VAV2: variants seen among roughly 807,000 people sequenced by gnomAD.
VAV2 encodes vav guanine nucleotide exchange factor 2, also known as guanine nucleotide exchange factor VAV2.
VAV2 carries 67 observed loss-of-function variants against 132.5 expected under a neutral mutation model. That is an observed-to-expected ratio of 0.51 (90% confidence interval 0.42 to 0.62). VAV2 has a LOEUF of 0.62. Ranked by LOEUF, VAV2 falls within the 20% of genes least tolerant of loss-of-function variation. The probability of loss-of-function intolerance (pLI) is 0.00; values close to 1 mark genes in which losing one functional copy is unlikely to be tolerated. For missense variants in VAV2, 938 were observed against 1,153.6 expected, an observed-to-expected ratio of 0.81 and a Z score of 2.71; for synonymous variants, 492 against 443.5, an observed-to-expected ratio of 1.11 and a Z score of -1.37.
intron 2 of VAV2, among the ~76,000 whole-genome samples, chr9:133,887,431 T>C (rs1015931096): frequency 6.6e-6 from 1 of 152,096 alleles, no homozygotes; most frequent in Non-Finnish European, 1.5e-5. Flanking sequence ...GGGCCTAAGA[T>C]CCTGCCCTAA....
intron 10 of VAV2, 103 bp from the exon 11 acceptor site, chr9:133,796,627 C>G: frequency 9.5e-7 from 1 of 1,052,100 alleles, no homozygotes; most frequent in Non-Finnish European, 1.4e-6. Context: ...GCCCAGAACT[C>G]AGGCCCAGAC....
intron 2 of VAV2, among the ~76,000 whole-genome samples, chr9:133,904,618 A>T (rs1839572058): frequency 1.3e-5 from 2 of 152,242 alleles, no homozygotes; most frequent in South Asian, 4.1e-4. Flanking sequence ...ACCCTCTCCC[A>T]GTGGAGTCGG....
chr9:133,928,140 C>T lies in VAV2; in HGVS notation c.321+10963G>A, dbSNP rs1156339983. On this transcript the variant is annotated intron_variant, in intron 2 of 29. Transcript: ENST00000371850. This position sits in a 1 kb window ranked among gnomAD's most constrained non-coding sequence, Gnocchi z 5.4. ...TCTCCCATCCCCAGTTATAAAACGG[C>T]GGGTCAGCATCCGATGGGCTTACCG... 2.0e-5 allele frequency among the ~76,000 whole-genome samples: 3 copies of T among 152,066 alleles called. No individual in the cohort carries two copies. Among genetic ancestry groups the T allele is most frequent in the African/African-American group, 4.8e-5 (2 of 41,488 alleles).
intron 2 of VAV2, among the ~76,000 whole-genome samples, chr9:133,881,350 G>A (rs960423666): frequency 1.3e-5 from 2 of 152,250 alleles, no homozygotes; most frequent in African/African-American, 4.8e-5. Flanking sequence ...TCCTCCCAGT[G>A]AGACGGGGCT....
chr9:133,964,100 C>T (rs1056636094), intron 1 of VAV2, among the ~76,000 whole-genome samples: 1 of 140,328 alleles, frequency 7.1e-6, no homozygotes, highest in South Asian at 2.3e-4. Flanking sequence ...TGGCTCATGC[C>T]TGTAGTCCCA....
chr9:133,907,421 A>T (rs991560874), intron 2 of VAV2, among the ~76,000 whole-genome samples: 1 of 152,228 alleles, frequency 6.6e-6, no homozygotes, highest in Non-Finnish European at 1.5e-5. Context: ...CTCATACAAA[A>T]GACAGAAGGA....
intron 2 of VAV2, among the ~76,000 whole-genome samples, chr9:133,938,476 C>T (rs888276348): frequency 1.4e-5 from 2 of 147,442 alleles, no homozygotes; most frequent in South Asian, 2.2e-4. Context: ...ACCTGCCAGC[C>T]TCAGGGTCCC....
rs374502507 is a variant in VAV2 at position 133,936,432 on chromosome 9, AG to A, written c.321+2670del. Among the ~76,000 whole-genome samples the A allele has an allele frequency of 5.3e-4, 80 of 152,154 alleles. 1 individual carries two copies. The South Asian group carries it at 0.016, about 30-fold the overall frequency. On this transcript the variant is annotated intron_variant, in intron 2 of 29. Transcript: ENST00000371850. ...TGCTTTTTGTATTTTTATTAGAGAC[AG>A]GGTTTCACCGTGTTGCCCAGACTGG...
chr9:133,956,200 G>A (rs1262549504), intron 1 of VAV2, among the ~76,000 whole-genome samples: 1 of 152,070 alleles, frequency 6.6e-6, no homozygotes, highest in Non-Finnish European at 1.5e-5. Context: ...AGAGAGGGAG[G>A]GAAGGGGGTT....
chr9:133,784,601 A>G (rs112756887), intron 17 of VAV2, among the ~76,000 whole-genome samples, 183 bp from the exon 18 acceptor site: 5 of 152,330 alleles, frequency 3.3e-5, no homozygotes, highest in African/African-American at 9.6e-5. Context: ...CCCTGCTCGT[A>G]GAAGGCAGGT....
At chr9:133,829,253 G>A (rs571932021) in intron 4 of VAV2, among the ~76,000 whole-genome samples, 12 of 152,344 alleles carry the variant, frequency 7.9e-5, no homozygotes, top group East Asian at 5.8e-4. Context: ...TTTTTAAGTG[G>A]CAATATTTTG....
rs2132327185 is a variant in VAV2, at chr9:133,991,770, C to A, written c.204+305G>T. Among the ~76,000 whole-genome samples, 1 of 151,348 alleles carries A rather than the reference C, an allele frequency of 6.6e-6. No homozygotes were observed. Among genetic ancestry groups the A allele is most frequent in the African/African-American group, 2.4e-5 (1 of 41,482 alleles). ...GGGCCACTCGCAGGGCCCCGCAGAG[C>A]GAGCGCAGCGCCGGAGCCTCCCCCA... On this transcript the variant is annotated intron_variant, in intron 1 of 29. Coordinates refer to ENST00000371850, the MANE Select transcript of VAV2 (RefSeq NM_001134398.2). The surrounding 1 kb of genome is among the most constrained non-coding windows in gnomAD (Gnocchi z 4.8).
At chr9:133,956,877 C>A (rs577415799) in intron 1 of VAV2, among the ~76,000 whole-genome samples, 28 of 152,326 alleles carry the variant, frequency 1.8e-4, no homozygotes, top group African/African-American at 6.5e-4. Flanking sequence ...ACAGGCCAGG[C>A]AGGAAACCCG....
intron 2 of VAV2, among the ~76,000 whole-genome samples, chr9:133,889,338 C>T (rs1259709095): frequency 6.6e-6 from 1 of 152,202 alleles, no homozygotes; most frequent in African/African-American, 2.4e-5. Flanking sequence ...AGACAGCATG[C>T]CCACTCTGGG....
chr9:133,898,729 T>C (rs2492052), intron 2 of VAV2, among the ~76,000 whole-genome samples: 138,252 of 151,986 alleles, frequency 0.91, 63,978 homozygotes, highest in East Asian at 1. Context: ...AGGCCAGGCC[T>C]GAGCTGGTGC....
intron 1 of VAV2, among the ~76,000 whole-genome samples, chr9:133,955,560 CCTCCCCACCTCCTTT>C (rs1841733481): frequency 3.8e-5 from 1 of 26,142 alleles, no homozygotes; most frequent in Non-Finnish European, 8.0e-5. Flanking sequence ...TCCCCACGGT[CCTCCCCACCTCCTTT>C]CTCCCCACTC....
At chr9:133,843,915 C>A (rs565444138) in intron 3 of VAV2, among the ~76,000 whole-genome samples, 1 of 151,170 alleles carries the variant, frequency 6.6e-6, no homozygotes. Context: ...TGCCATAGCC[C>A]CGGCAGTGAC....
intron 3 of VAV2, among the ~76,000 whole-genome samples, chr9:133,839,468 T>C (rs76592108): frequency 2.0e-5 from 3 of 151,612 alleles, no homozygotes; most frequent in Non-Finnish European, 4.4e-5. Context: ...TTTTTTTTTT[T>C]GAGACGGAGT....
At chr9:133,812,056 C>A in intron 5 of VAV2, 58 bp downstream of exon 5, 1 of 1,560,800 alleles carries the variant, frequency 6.4e-7, no homozygotes, top group Non-Finnish European at 8.8e-7. Flanking sequence ...TAAGCAAGGG[C>A]CAGGCTGCTC....
Sources: allele counts gnomAD v4.1 joint callset (sites outside exome capture counted in the v4.1 genomes callset), GRCh38; gene constraint gnomAD v4.1.1; non-coding constraint Gnocchi (gnomAD v3.1); transcripts MANE v1.5; gene names NCBI Gene and HGNC (gene_info 2026-07-23, HGNC 2026-07-21).